Variants in ZNF175 observed in about 807,000 individuals in gnomAD.
ZNF175 encodes zinc finger protein OTK18.
In ZNF175, 8 loss-of-function variants were observed where a neutral mutation model predicts 14.0. The observed-to-expected ratio is 0.57, with a 90% CI of 0.34 to 1.03. The LOEUF (loss-of-function observed/expected upper bound fraction) is 1.03. ZNF175 is among the 50% of genes least tolerant of loss of function. The probability of loss-of-function intolerance (pLI) is 0.03; values close to 1 mark genes in which losing one functional copy is unlikely to be tolerated. For synonymous variants in ZNF175, 255 were observed against 296.8 expected (o/e 0.86, Z 1.45); for missense variants, 764 against 849.5 (o/e 0.90, Z 1.25).
At position 51,577,905 on chromosome 19, in the gene ZNF175, C is replaced by T. The variant is rs149655756; in HGVS notation, c.73-3486C>T. On this transcript the variant is annotated intron_variant, in intron 2 of 4. Transcript: ENST00000262259. ...GTCTCAATCTCCTGACCTCGTGATC[C>T]GCCCGCCTTGGCCTCCCAAAGTGCT... Among the ~76,000 whole-genome samples the T allele has an allele frequency of 3.1e-3, 474 of 151,100 alleles. 19 individuals carry two copies. The East Asian group carries it at 0.056, about 18-fold the overall frequency.
chr19:51,575,317 C>T (rs1054473770), intron 2 of ZNF175, among the ~76,000 whole-genome samples: 9 of 145,188 alleles, frequency 6.2e-5, no homozygotes, highest in Non-Finnish European at 1.2e-4. Context: ...CCCGGGTTAA[C>T]GCCGTTCTCC....
At chr19:51,578,443 T>A (rs1452570321) in intron 2 of ZNF175, among the ~76,000 whole-genome samples, 1 of 151,868 alleles carries the variant, frequency 6.6e-6, no homozygotes, top group African/African-American at 2.4e-5. Context: ...AGATTCTTGT[T>A]ACACATACAG....
chr19:51,577,451 C>T (rs751364671), intron 2 of ZNF175, among the ~76,000 whole-genome samples: 66 of 142,362 alleles, frequency 4.6e-4, no homozygotes, highest in African/African-American at 1.5e-3. Flanking sequence ...TCTAGCCCTC[C>T]GATAATCATT....
intron 4 of ZNF175, among the ~76,000 whole-genome samples, chr19:51,584,699 A>G (rs1245186255): frequency 6.6e-6 from 1 of 152,258 alleles, no homozygotes; most frequent in Non-Finnish European, 1.5e-5. Flanking sequence ...CATGTCTTCA[A>G]AGATGATATA....
At chr19:51,577,842 T>C (rs532969698) in intron 2 of ZNF175, among the ~76,000 whole-genome samples, 3 of 151,470 alleles carry the variant, frequency 2.0e-5, no homozygotes, top group African/African-American at 4.8e-5. Context: ...TTTTTGTATT[T>C]TTAGTAGAGA....
At chr19:51,582,597 T>C (rs1982046322) in intron 4 of ZNF175, among the ~76,000 whole-genome samples, 1 of 152,056 alleles carries the variant, frequency 6.6e-6, no homozygotes, top group Admixed American at 6.6e-5. Flanking sequence ...GCACCCAGCC[T>C]GTTTCATTGC....
In ZNF175 at chr19:51,591,465, G is replaced by A. The variant is rs1331158263; in HGVS notation, c.*2998G>A. 6.6e-6 allele frequency: 1 copy of A among 152,212 alleles called. No homozygotes were observed. The highest frequency in any genetic ancestry group is 1.5e-5 in the Non-Finnish European group (1 of 68,042). 9.4% of individuals were successfully genotyped at this position (152,212 alleles called of 1,614,324 possible). A position where few individuals can be genotyped will look rare whatever the true frequency, so the allele number is the denominator to read the frequency against. Reference sequence around the variant, plus strand: ...CTGTTGGCTCAGAGAACTAAGAGATGAATAAATGTTAGTCCAATGGCCTCA... The same window carrying A: ...CTGTTGGCTCAGAGAACTAAGAGATAAATAAATGTTAGTCCAATGGCCTCA... On this transcript the variant is annotated 3_prime_UTR_variant, in exon 5 of 5. Transcript: ENST00000262259.
At chr19:51,579,778 C>A (rs950795159) in intron 2 of ZNF175, among the ~76,000 whole-genome samples, 2 of 152,134 alleles carry the variant, frequency 1.3e-5, no homozygotes, top group African/African-American at 4.8e-5. Flanking sequence ...CTGTTCTGAA[C>A]TGGTATTTAA....
At chr19:51,576,149 T>TG (rs1568572912) in intron 2 of ZNF175, among the ~76,000 whole-genome samples, 1 of 123,888 alleles carries the variant, frequency 8.1e-6, no homozygotes, top group Admixed American at 8.1e-5. Flanking sequence ...AGTTTTTTTT[T>TG]TTGTTTTTTT....
At chr19:51,579,853 C>T (rs368212958) in intron 2 of ZNF175, among the ~76,000 whole-genome samples, 17 of 152,182 alleles carry the variant, frequency 1.1e-4, no homozygotes, top group East Asian at 1.9e-4. Context: ...CACTTGAATG[C>T]GGCTGGTTCA....
chr19:51,591,535 G>A lies in ZNF175; in HGVS notation c.*3068G>A, dbSNP rs925681441. 2.0e-5 allele frequency: 3 copies of A among 152,192 alleles called. No individual in the cohort carries two copies. Among genetic ancestry groups the A allele is most frequent in the Admixed American group, 1.3e-4 (2 of 15,282 alleles). 9.4% of individuals were successfully genotyped at this position (152,192 alleles called of 1,614,324 possible). On this transcript the variant is annotated 3_prime_UTR_variant, in exon 5 of 5. Transcript: ENST00000262259. ...GAGTTTTGAGTTTCCAGAGGGAGAA[G>A]CTACTATTCTAGGCAGCTTGTATGA...
Position 51,587,534 on chromosome 19 carries a change from C to G in ZNF175, c.1203C>G (p.Ser401=). 1 of 1,614,110 alleles carries G rather than the reference C, an allele frequency of 6.2e-7. No individual in the cohort carries two copies. The highest frequency in any genetic ancestry group is 8.5e-7 in the Non-Finnish European group (1 of 1,180,010). Residue 401 remains serine (S), a synonymous_variant, in exon 5 of 5, where the codon TCC becomes TCG. Transcript: ENST00000262259. ...YECSECGKGF[S]QNSTLIIHQK... is the part of the protein sequence containing the mutation. ...GCAGTGAATGTGGCAAAGGCTTCTC[C>G]CAAAACTCAACCCTCATTATACATC...
chr19:51,576,140 GTTTTTTTTTTTGT>G (rs1456498869), intron 2 of ZNF175, among the ~76,000 whole-genome samples: 10 of 135,324 alleles, frequency 7.4e-5, no homozygotes, highest in Admixed American at 1.5e-4. Flanking sequence ...TTCAGGGACA[GTTTTTTTTTTTGT>G]TTTTTTTTTT....
At chr19:51,576,627 C>T (rs1050047515) in intron 2 of ZNF175, among the ~76,000 whole-genome samples, 1 of 152,152 alleles carries the variant, frequency 6.6e-6, no homozygotes, top group African/African-American at 2.4e-5. Context: ...CTGTCAATGC[C>T]ATCTCCTTGA....
intron 2 of ZNF175, among the ~76,000 whole-genome samples, chr19:51,577,839 A>G (rs928521723): frequency 9.9e-5 from 15 of 151,160 alleles, no homozygotes; most frequent in African/African-American, 2.4e-4. Flanking sequence ...AATTTTTTGT[A>G]TTTTTAGTAG....
chr19:51,589,438 GATTAACTCCTTTATT>G lies in ZNF175; in HGVS notation c.*974_*988del, dbSNP rs1982285018. 2 of 613,274 alleles carry G rather than the reference GATTAACTCCTTTATT, an allele frequency of 3.3e-6. No homozygotes were observed. Among genetic ancestry groups the G allele is most frequent in the Admixed American group, 5.6e-5 (2 of 35,940 alleles). The allele number at this position is 613,274 out of a possible 1,614,324, so 38.0% of individuals were successfully genotyped here. ...TATATAATGAGGTTGTATCAACAAT[GATTAACTCCTTTATT>G]ATACATACACATGAATGTGCATTTT... On this transcript the variant is annotated 3_prime_UTR_variant, in exon 5 of 5. Transcript: ENST00000262259.
rs1030761210 is a variant in ZNF175, at chr19:51,589,335, G to A, written c.*868G>A. On this transcript the variant is annotated 3_prime_UTR_variant, in exon 5 of 5. Transcript: ENST00000262259. ...TGCTGCAGAATTCACTGCATAGCAG[G>A]AGATGTAAGCAGATGAGTTATTTTT... 3.5e-6 allele frequency: 2 copies of A among 567,556 alleles called. No homozygotes were observed. The highest frequency in any genetic ancestry group is 6.5e-5 in the Admixed American group (2 of 30,976). The allele number at this position is 567,556 out of a possible 1,614,324, so 35.2% of individuals were successfully genotyped here.
In ZNF175 at chr19:51,573,260, CCAG is replaced by C; in HGVS notation, c.-68_-66del. 2 of 1,532,142 alleles carry C rather than the reference CCAG, an allele frequency of 1.3e-6. No homozygotes were observed. 94.9% of individuals were successfully genotyped at this position (1,532,142 alleles called of 1,614,324 possible). On this transcript the variant is annotated 5_prime_UTR_variant, in exon 2 of 5. Transcript: ENST00000262259. ...CTGGTTGGAAAATCCAAACACCTATCCAGCTTCTGGCTCCTGGGAAAAGTGGAG... is the reference window on the plus strand; with the variant it reads ...CTGGTTGGAAAATCCAAACACCTATCCTTCTGGCTCCTGGGAAAAGTGGAG...
chr19:51,572,055 G>A (rs1253970502), intron 1 of ZNF175, among the ~76,000 whole-genome samples: 1 of 152,174 alleles, frequency 6.6e-6, no homozygotes, highest in Non-Finnish European at 1.5e-5. Context: ...GGGTCCCTTG[G>A]ACATGGTAAG....
Sources: gnomAD v4.1 joint callset for allele counts (sites outside exome capture counted in the v4.1 genomes callset) on GRCh38, gnomAD v4.1.1 for gene constraint, MANE v1.5 for transcripts, NCBI Gene and HGNC (gene_info 2026-07-23, HGNC 2026-07-21) for gene names.